WDR81: variants seen among roughly 807,000 people sequenced by gnomAD.
WDR81 encodes the protein WD repeat domain 81.
A neutral mutation model predicts 140.8 loss-of-function variants in WDR81; 92 were observed. That is an observed-to-expected ratio of 0.65 (90% confidence interval 0.55 to 0.78). The LOEUF (loss-of-function observed/expected upper bound fraction) is 0.78, where lower values mean the gene tolerates loss of function less well. Among genes scored for constraint, WDR81 ranks in the 30% least tolerant of loss-of-function variants. The pLI is 0.00. For missense variants in WDR81, 2,502 were observed against 2,636.4 expected, an observed-to-expected ratio of 0.95 and a Z score of 1.12; for synonymous variants, 1,183 against 1,156.4, an observed-to-expected ratio of 1.02 and a Z score of -0.47.
rs546185037 is a variant in WDR81 at position 1,726,609 on chromosome 17, C to G, written c.1650C>G (p.Gly550=). The change falls in exon 1 of 10, where the codon GGC becomes GGG. Residue 550 remains glycine, a synonymous_variant. Coordinates refer to ENST00000409644, the MANE Select transcript of WDR81 (RefSeq NM_001163809.2). The part of the protein sequence containing the change: ...DLHHWIDLTF[G]YKLQGKEAVK... The stretch of plus-strand genomic sequence containing the variant: ...ACCATTGGATCGACCTCACGTTTGG[C>G]TATAAACTCCAGGGTAAGGAGGCTG... 1.7e-4 allele frequency: 263 copies of G among 1,550,312 alleles called. 2 individuals are homozygous for G. The African/African-American group carries it at 3.4e-3, about 20-fold the overall frequency.
At chr17:1,716,535 T>C, upstream of WDR81, 1 of 1,550,074 alleles carries the variant, frequency 6.5e-7, no homozygotes, top group Non-Finnish European at 8.7e-7. Flanking sequence ...ACGAGAGTCC[T>C]AAAGAGCAGG....
At chr17:1,736,783 C>T (rs73292922) in intron 9 of WDR81, among the ~76,000 whole-genome samples, 19 of 152,260 alleles carry the variant, frequency 1.2e-4, no homozygotes, top group African/African-American at 4.6e-4. Flanking sequence ...AACAGGGCTT[C>T]GTGTGGGAGG....
At chr17:1,719,083 G>A (rs1311085248) in intron 1 of WDR81, among the ~76,000 whole-genome samples, 1 of 152,000 alleles carries the variant, frequency 6.6e-6, no homozygotes, top group Non-Finnish European at 1.5e-5. Flanking sequence ...GTCTCCTAGG[G>A]GCCAAAATCT....
rs115494540 is a variant in WDR81, at chr17:1,717,132, T to G, written c.-124+499T>G. ...ATCGCATCCTCTGATTAACCCCCAT[T>G]CAGTCCCGCCCTCCAAAGCTCTTCA... is the stretch of plus-strand genomic sequence containing the variant. On this transcript the variant is annotated intron_variant, in intron 1 of 10. Coordinates refer to the WDR81 transcript ENST00000309182. 2.5e-3 allele frequency: 403 copies of G among 163,912 alleles called. 1 individual carries two copies. Among genetic ancestry groups the G allele is most frequent in the African/African-American group, 9.1e-3 (380 of 41,774 alleles). The allele number at this position is 163,912 out of a possible 1,614,324, so 10.2% of individuals were successfully genotyped here.
rs1275097570 is a variant in WDR81, at chr17:1,725,747, T to C, written c.788T>C (p.Ile263Thr). The C allele has an allele frequency of 2.6e-6, 4 of 1,550,666 alleles. No homozygotes were observed. The South Asian group carries it at 3.6e-5, about 14-fold the overall frequency. ...LTNSQAKVLFILFRVLRAMDA... is the reference protein window; with the variant it reads ...LTNSQAKVLFTLFRVLRAMDA... ...AACAGCCAGGCCAAGGTGCTGTTCA[T>C]TCTCTTCCGCGTGCTGAGGGCTATG... Residue 263 changes from isoleucine to threonine, a missense_variant, in exon 1 of 10, where the codon ATT becomes ACT. Around this residue, in one of 3 missense-constraint regions of WDR81, gnomAD observed 547 missense variants for 513.8 expected, o/e 1.06. Coordinates refer to ENST00000409644, the MANE Select transcript of WDR81 (RefSeq NM_001163809.2).
At chr17:1,717,431 TAAG>T (rs1483295950) in intron 1 of WDR81, among the ~76,000 whole-genome samples, 1 of 152,182 alleles carries the variant, frequency 6.6e-6, no homozygotes, top group Non-Finnish European at 1.5e-5. Flanking sequence ...TGAGGGTAAC[TAAG>T]CAGGAATGAT....
At position 1,737,374 on chromosome 17, in the gene WDR81, G is replaced by A. The variant is rs1262075537; in HGVS notation, c.5515G>A (p.Gly1839Ser). 4 of 1,606,908 alleles carry A rather than the reference G, an allele frequency of 2.5e-6. No homozygotes were observed. The highest frequency in any genetic ancestry group is 3.4e-6 in the Non-Finnish European group (4 of 1,176,234). ...TCCTCTCCCGGGACAGGCGGTGGAG[G>A]GCAGCGTCCTGGTCAGCTCCTCCTC... ...GDILQIKAVE[G>S]SVLVSSSSDH... Residue 1839 changes from glycine to serine, a missense_variant, in exon 10 of 10, where the codon GGC becomes AGC. Physicochemically the swap from Gly to Ser is moderately conservative, Grantham distance 56. This residue lies in a region of WDR81 where 1,737 missense variants were observed against 1,843.0 expected (regional missense o/e 0.94). Transcript: ENST00000409644.
Position 1,726,878 on chromosome 17 carries a change from C to G in WDR81, c.1919C>G (p.Ala640Gly). ...PNGVGRPVLE[A>G]TPCEASWTRD... ...GGAGTGGGCCGGCCAGTTTTAGAGG[C>G]CACTCCCTGTGAGGCTAGCTGGACC... is the stretch of plus-strand genomic sequence containing the variant. Residue 640 changes from alanine (A) to glycine (G), a missense_variant, in exon 1 of 10, where the codon GCC becomes GGC. Coordinates refer to ENST00000409644, the MANE Select transcript of WDR81 (RefSeq NM_001163809.2). 1.3e-6 allele frequency: 2 copies of G among 1,550,414 alleles called. No individual in the cohort carries two copies. The highest frequency in any genetic ancestry group is 1.7e-6 in the Non-Finnish European group (2 of 1,146,970).
At position 1,733,808 on chromosome 17, in the gene WDR81, G is replaced by T; in HGVS notation, c.4771G>T (p.Gly1591Trp). The T allele has an allele frequency of 1.2e-6, 2 of 1,611,954 alleles. No individual in the cohort carries two copies. Among genetic ancestry groups the T allele is most frequent in the Non-Finnish European group, 1.7e-6 (2 of 1,179,400 alleles). ...GGGCCCCATCTCGGGGGTGGGTGGC[G>T]GGGGCCTGGGCAGCGGGAGCGACGA... ...PLGPISGVGGGGLGSGSDDNA... is the reference protein window; with the variant it reads ...PLGPISGVGGWGLGSGSDDNA... The change falls in exon 7 of 10, where the codon GGG becomes TGG. Residue 1591 changes from glycine (G) to tryptophan (W), a missense_variant. Transcript: ENST00000409644.
chr17:1,724,876 C>T lies in WDR81; in HGVS notation c.-84C>T, dbSNP rs1915115501. ...CCCTGTCCCGCGCCCATCCCAGCCC[C>T]GCCGGCCTGGCACCCCGGAAGCCGT... On this transcript the variant is annotated 5_prime_UTR_variant, in exon 1 of 10. Coordinates refer to ENST00000409644, the MANE Select transcript of WDR81 (RefSeq NM_001163809.2). The T allele has an allele frequency of 7.9e-7, 1 of 1,268,148 alleles. No homozygotes were observed. 78.6% of individuals were successfully genotyped at this position (1,268,148 alleles called of 1,614,324 possible). A position where few individuals can be genotyped will look rare whatever the true frequency, so the allele number is the denominator to read the frequency against.
chr17:1,727,415 A>G lies in WDR81; in HGVS notation c.2456A>G (p.Gln819Arg). The G allele has an allele frequency of 6.5e-7, 1 of 1,550,352 alleles. No homozygotes were observed. The highest frequency in any genetic ancestry group is 2.4e-5 in the East Asian group (1 of 40,910). ...CCCAAGGAGGTCCCTGTGTCTTTGC[A>G]GCCCGTGCTGGACACACTCCTGCAG... ...RHPKEVPVSL[Q>R]PVLDTLLQMS... The change falls in exon 1 of 10, where the codon CAG (glutamine) becomes CGG (arginine). Residue 819 changes from glutamine to arginine, a missense_variant. Physicochemically the swap from Gln to Arg is conservative, Grantham distance 43 (BLOSUM62 1). Coordinates refer to ENST00000409644, the MANE Select transcript of WDR81 (RefSeq NM_001163809.2).
Position 1,727,869 on chromosome 17 carries a change from C to T in WDR81, c.2910C>T (p.Tyr970=), listed in dbSNP as rs1318327691. ...KYLLKPLIGA[Y]ESPCQLHGRF... is the part of the protein sequence containing the mutation. The stretch of plus-strand genomic sequence containing the variant: ...TCCTGAAGCCGCTCATTGGTGCCTA[C>T]GAGAGCCCCTGCCAGCTACACGGCC... Residue 970 remains tyrosine (Y), a synonymous_variant, in exon 1 of 10, where the codon TAC becomes TAT. Transcript: ENST00000409644. The T allele has an allele frequency of 5.8e-6, 9 of 1,550,780 alleles. No individual in the cohort carries two copies. The highest frequency in any genetic ancestry group is 2.4e-5 in the East Asian group (1 of 40,926).
chr17:1,731,059 T>A lies in WDR81; in HGVS notation c.3967-9T>A. The A allele has an allele frequency of 6.2e-7, 1 of 1,611,022 alleles. No homozygotes were observed. The highest frequency in any genetic ancestry group is 8.5e-7 in the Non-Finnish European group (1 of 1,178,974). On this transcript the variant is annotated splice_polypyrimidine_tract_variant and intron_variant, in intron 3 of 9. Transcript: ENST00000409644. ...GGCTGCCCGGCCCTCATCTGCTCGG[T>A]GGCTCTAGGTGGCCCCAGGGAGTGC...
At chr17:1,724,567 G>C (rs965170734), upstream of WDR81, 1 of 989,672 alleles carries the variant, frequency 1.0e-6, no homozygotes, top group African/African-American at 1.7e-5. Context: ...CCGGGAGGAA[G>C]CGGAGCCCAG....
In WDR81 at chr17:1,726,752, T is replaced by C; in HGVS notation, c.1793T>C (p.Leu598Pro). The change falls in exon 1 of 10, where the codon CTT (leucine) becomes CCT (proline). Residue 598 changes from leucine (L) to proline (P), a missense_variant. This residue lies in a region of WDR81 where 1,737 missense variants were observed against 1,843.0 expected (regional missense o/e 0.94). Transcript: ENST00000409644. Reference sequence around the variant, plus strand: ...CAGCGCCTGGCTGGGGCTCCTGCCCTTGCCCCCGAGCCTCCCCTCATCCCC... The same window carrying C: ...CAGCGCCTGGCTGGGGCTCCTGCCCCTGCCCCCGAGCCTCCCCTCATCCCC... ...HPQRLAGAPA[L>P]APEPPLIPKL... The C allele has an allele frequency of 2.6e-6, 4 of 1,547,744 alleles. No homozygotes were observed. The highest frequency in any genetic ancestry group is 3.5e-6 in the Non-Finnish European group (4 of 1,146,442).
intron 1 of WDR81, chr17:1,717,088 A>G (rs915796025): frequency 1.1e-5 from 2 of 184,380 alleles, no homozygotes; most frequent in Non-Finnish European, 2.3e-5. Flanking sequence ...GGGCCATGCC[A>G]AAGTGCAAAG....
chr17:1,727,847 T>C lies in WDR81; in HGVS notation c.2888T>C (p.Leu963Pro). ...LGPKNANKYL[L>P]KPLIGAYESP... is the part of the protein sequence containing the mutation. Reference sequence around the variant, plus strand: ...CCCAAAAATGCCAATAAGTACCTCCTGAAGCCGCTCATTGGTGCCTACGAG... The same window carrying C: ...CCCAAAAATGCCAATAAGTACCTCCCGAAGCCGCTCATTGGTGCCTACGAG... Residue 963 changes from leucine to proline, a missense_variant, in exon 1 of 10, where the codon CTG becomes CCG. Leu to Pro is a moderately conservative substitution (Grantham distance 98). Coordinates refer to ENST00000409644, the MANE Select transcript of WDR81 (RefSeq NM_001163809.2). 2 of 1,550,658 alleles carry C rather than the reference T, an allele frequency of 1.3e-6. No homozygotes were observed. Among genetic ancestry groups the C allele is most frequent in the Non-Finnish European group, 1.7e-6 (2 of 1,147,036 alleles).
chr17:1,716,599 C>T, exon 1 of WDR81: 1 of 1,551,420 alleles, frequency 6.4e-7, no homozygotes, highest in South Asian at 1.2e-5. Context: ...TAGTTCTCAG[C>T]CTGACACCGT....
Position 1,727,920 on chromosome 17 carries a change from T to C in WDR81, c.2961T>C (p.Phe987=). The stretch of plus-strand genomic sequence containing the variant: ...GCTTCTACCTGTACACGGACTGCTT[T>C]GTGGCCCAGCTGATGGTGCGGCTGG... ...HGRFYLYTDC[F]VAQLMVRLGL... Residue 987 remains phenylalanine (F), a synonymous_variant, in exon 1 of 10, where the codon TTT becomes TTC. Transcript: ENST00000409644. The C allele has an allele frequency of 6.4e-7, 1 of 1,550,690 alleles. No individual in the cohort carries two copies. Among genetic ancestry groups the C allele is most frequent in the Non-Finnish European group, 8.7e-7 (1 of 1,147,048 alleles).
Sources: allele counts gnomAD v4.1 joint callset (sites outside exome capture counted in the v4.1 genomes callset), GRCh38; gene constraint gnomAD v4.1.1; regional missense constraint gnomAD v4.1.1; transcripts MANE v1.5; gene names NCBI Gene and HGNC (gene_info 2026-07-23, HGNC 2026-07-21).